SMCO4: variants seen among roughly 807,000 people sequenced by gnomAD.
SMCO4 encodes the protein single-pass membrane protein with coiled-coil domains 4.
Under a neutral mutation model 3.6 loss-of-function variants are expected in SMCO4, and 4 were observed. That is an observed-to-expected ratio of 1.11 (90% CI 0.54 to 2.53). SMCO4 has a LOEUF of 2.53. Ranked by LOEUF, SMCO4 falls within the 30% of genes most tolerant of loss-of-function variation. The probability of loss-of-function intolerance (pLI) is 0.02; values close to 1 mark genes in which losing one functional copy is unlikely to be tolerated. For synonymous variants in SMCO4, 36 were observed against 35.3 expected, an observed-to-expected ratio of 1.02 and a Z score of -0.07; for missense variants, 70 against 80.8, an observed-to-expected ratio of 0.87 and a Z score of 0.51.
intron 1 of SMCO4, among the ~76,000 whole-genome samples, chr11:93,518,909 T>C (rs184915529): frequency 1.8e-4 from 27 of 152,350 alleles, no homozygotes; most frequent in African/African-American, 5.5e-4. Flanking sequence ...GAAGGCTGAA[T>C]TCCCGCCCTG....
chr11:93,537,564 C>T (rs934870005), intron 1 of SMCO4, among the ~76,000 whole-genome samples: 2 of 151,918 alleles, frequency 1.3e-5, no homozygotes, highest in South Asian at 2.1e-4. Context: ...CACCCAAACA[C>T]GCACCTAAAC....
intron 1 of SMCO4, among the ~76,000 whole-genome samples, chr11:93,535,989 T>C (rs1262239995): frequency 6.6e-6 from 1 of 152,212 alleles, no homozygotes; most frequent in Non-Finnish European, 1.5e-5. Flanking sequence ...GGTAAGAATC[T>C]AGTTTATTTT....
the SMCO4 span, among the ~76,000 whole-genome samples, chr11:93,549,619 A>G: frequency 0.036 from 270 of 7,468 alleles, 8 homozygotes; most frequent in East Asian, 0.47. Flanking sequence ...TAACTAATTT[A>G]TTTATTTTTT....
upstream of SMCO4, among the ~76,000 whole-genome samples, chr11:93,546,686 CT>C (rs1390365906): frequency 3.3e-5 from 5 of 152,170 alleles, no homozygotes; most frequent in Non-Finnish European, 7.3e-5. Context: ...TAGTTGAACT[CT>C]TCTGTTTTTC....
intron 1 of SMCO4, among the ~76,000 whole-genome samples, chr11:93,525,288 T>C (rs2134625285): frequency 6.6e-6 from 1 of 152,336 alleles, no homozygotes; most frequent in Non-Finnish European, 1.5e-5. Context: ...TCTCAGGTCT[T>C]TTCCTCTGTA....
At chr11:93,480,882 T>C (rs965425608) in intron 2 of SMCO4, among the ~76,000 whole-genome samples, 1 of 152,228 alleles carries the variant, frequency 6.6e-6, no homozygotes, top group African/African-American at 2.4e-5. Context: ...TTTTGTATCA[T>C]TCAAAATCAG....
the SMCO4 span, among the ~76,000 whole-genome samples, chr11:93,549,554 T>C: frequency 6.6e-6 from 1 of 151,972 alleles, no homozygotes; most frequent in African/African-American, 2.4e-5. Flanking sequence ...GCTCAAACGA[T>C]CCTCCTGCCT....
intron 1 of SMCO4, chr11:93,535,452 G>A (rs529101614): frequency 1.8e-5 from 25 of 1,356,206 alleles, no homozygotes; most frequent in East Asian, 1.4e-4. Context: ...AGAGGGAGTC[G>A]AGCCAGAGTC....
chr11:93,498,338 G>A (rs1948798696), intron 2 of SMCO4, among the ~76,000 whole-genome samples: 1 of 152,212 alleles, frequency 6.6e-6, no homozygotes, highest in Non-Finnish European at 1.5e-5. Context: ...TTGGGGGCAG[G>A]GAGGTGGGTT....
At chr11:93,538,030 G>A (rs903756384) in intron 1 of SMCO4, 3 of 152,462 alleles carry the variant, frequency 2.0e-5, no homozygotes, top group East Asian at 1.9e-4. Flanking sequence ...TTGGAAAAAC[G>A]GAAGCCCAAA....
chr11:93,512,020 T>C (rs1948962317), intron 1 of SMCO4, among the ~76,000 whole-genome samples: 1 of 152,198 alleles, frequency 6.6e-6, no homozygotes, highest in Non-Finnish European at 1.5e-5. Flanking sequence ...CTTCAGTGTT[T>C]AGTATTAGAA....
chr11:93,479,165 T>TG lies in SMCO4; in HGVS notation c.24dup (p.Lys9GlnfsTer99), dbSNP rs1948561097. 1 of 1,613,950 alleles carries TG rather than the reference T, an allele frequency of 6.2e-7. No individual in the cohort carries two copies. The highest frequency in any genetic ancestry group is 1.3e-5 in the African/African-American group (1 of 74,934). The stretch of plus-strand genomic sequence containing the variant: ...TTCTTGTCCTTGGAGGTCTCCTTCT[T>TG]GGGCTTCCCTTTGAGCTGCCGCATC... On this transcript the variant is annotated frameshift_variant, in exon 3 of 3. Coordinates refer to ENST00000298966, the MANE Select transcript of SMCO4 (RefSeq NM_020179.3). LOFTEE classifies it high-confidence loss of function.
intron 2 of SMCO4, among the ~76,000 whole-genome samples, chr11:93,485,973 T>C (rs996813631): frequency 4.6e-5 from 7 of 152,200 alleles, no homozygotes; most frequent in Admixed American, 4.6e-4. Context: ...CTGCAATAAG[T>C]ACTCGTTAAG....
intron 1 of SMCO4, among the ~76,000 whole-genome samples, chr11:93,531,660 C>T (rs1291226757): frequency 6.6e-6 from 1 of 152,114 alleles, no homozygotes; most frequent in Middle Eastern, 3.2e-3. Flanking sequence ...ATATATTGTA[C>T]ACTTAAAAAT....
upstream of SMCO4, among the ~76,000 whole-genome samples, chr11:93,545,795 C>G (rs12223863): frequency 0.58 from 87,822 of 151,916 alleles, 25,575 homozygotes; most frequent in Admixed American, 0.65. Flanking sequence ...CTTGTGACTT[C>G]CTTTAGCTAC....
chr11:93,479,139 C>T lies in SMCO4; in HGVS notation c.51G>A (p.Lys17=). The change falls in exon 3 of 3, where the codon AAG becomes AAA. Residue 17 remains lysine (K), a synonymous_variant. Transcript: ENST00000298966. ...KPKKETSKDK[K]ERKQAMQEAR... The stretch of plus-strand genomic sequence containing the variant: ...CCTCCTGCATGGCTTGCTTCCGCTC[C>T]TTCTTGTCCTTGGAGGTCTCCTTCT... 2 of 1,614,132 alleles carry T rather than the reference C, an allele frequency of 1.2e-6. No individual in the cohort carries two copies. Among genetic ancestry groups the T allele is most frequent in the Non-Finnish European group, 8.5e-7 (1 of 1,180,046 alleles).
intron 1 of SMCO4, among the ~76,000 whole-genome samples, chr11:93,524,596 G>C (rs901001749): frequency 5.9e-5 from 9 of 152,120 alleles, no homozygotes; most frequent in Non-Finnish European, 1.0e-4. Context: ...AAATGACCTG[G>C]AGCAGCAGCA....
intron 2 of SMCO4, among the ~76,000 whole-genome samples, chr11:93,482,496 C>G (rs1948603132): frequency 6.6e-6 from 1 of 152,152 alleles, no homozygotes; most frequent in Non-Finnish European, 1.5e-5. Flanking sequence ...GAGATCATGT[C>G]CAAGGCAGGC....
At chr11:93,481,461 G>A in intron 2 of SMCO4, 2 of 985,428 alleles carry the variant, frequency 2.0e-6, no homozygotes, top group Non-Finnish European at 2.4e-6. Flanking sequence ...GATGGAGTAG[G>A]AAGCTGTATA....
Sources: allele counts gnomAD v4.1 joint callset (sites outside exome capture counted in the v4.1 genomes callset), GRCh38; gene constraint gnomAD v4.1.1; transcripts MANE v1.5; gene names NCBI Gene and HGNC (gene_info 2026-07-23, HGNC 2026-07-21).